The following PFKL variants were observed in gnomAD, a reference collection of about 807,000 sequenced individuals.
PFKL encodes ATP-dependent 6-phosphofructokinase, liver type.
PFKL carries 74 observed loss-of-function variants against 92.1 expected under a neutral mutation model. The ratio of observed to expected loss-of-function variants is 0.80; its 90% CI spans 0.67 to 0.97. PFKL has a LOEUF of 0.97. Ranked by LOEUF, PFKL falls within the 50% of genes least tolerant of loss-of-function variation. PFKL has a pLI of 0.00. For synonymous variants in PFKL, 494 were observed against 456.4 expected, an observed-to-expected ratio of 1.08 and a Z score of -1.05; for missense variants, 1,028 against 1,116.6, an observed-to-expected ratio of 0.92 and a Z score of 1.13.
At chr21:44,310,310 C>T (rs564815400) in intron 2 of PFKL, among the ~76,000 whole-genome samples, 3 of 152,356 alleles carry the variant, frequency 2.0e-5, no homozygotes, top group African/African-American at 7.2e-5. Flanking sequence ...GGCAGATCCA[C>T]GGTACTGGAT....
intron 13 of PFKL, 45 bp downstream of exon 13, chr21:44,321,920 G>A (rs971704355): frequency 2.6e-6 from 4 of 1,513,808 alleles, no homozygotes; most frequent in African/African-American, 2.8e-5. Flanking sequence ...GGCCTTCTGT[G>A]TGCACACTTG....
Position 44,326,632 on chromosome 21 carries a change from G to C in PFKL, c.2196-83G>C, listed in dbSNP as rs1005054963. The C allele has an allele frequency of 7.8e-5, 114 of 1,456,240 alleles. No individual in the cohort carries two copies. In the African/African-American group the frequency reaches 1.4e-3, roughly 18 times the overall value. 90.2% of individuals were successfully genotyped at this position (1,456,240 alleles called of 1,614,324 possible). Reference sequence around the variant, plus strand: ...GGCATGCACAGGCTGCAGGGTCGGGGGGGGTGGGGGGGCTGGGGACGTGGC... The same window carrying C: ...GGCATGCACAGGCTGCAGGGTCGGGCGGGGTGGGGGGGCTGGGGACGTGGC... On this transcript the variant is annotated intron_variant, in intron 21 of 21. Coordinates refer to ENST00000349048, the MANE Select transcript of PFKL (RefSeq NM_002626.6).
intron 2 of PFKL, among the ~76,000 whole-genome samples, chr21:44,307,003 G>A (rs969679693): frequency 1.1e-4 from 16 of 152,200 alleles, no homozygotes; most frequent in African/African-American, 2.9e-4. Context: ...GGGCCTGGGG[G>A]CAGGGAAGGA....
chr21:44,321,394 C>G (rs2047349942), intron 12 of PFKL: 1 of 176,966 alleles, frequency 5.7e-6, no homozygotes, highest in African/African-American at 2.4e-5. Flanking sequence ...ACCCCCCACC[C>G]TCCCGCCCGC....
intron 1 of PFKL, among the ~76,000 whole-genome samples, chr21:44,300,723 ATGGGCTGCCCGGGGCAT>A (rs1239948507): frequency 7.6e-6 from 1 of 130,898 alleles, no homozygotes; most frequent in East Asian, 2.1e-4. Flanking sequence ...CGGTGGGGAG[ATGGGCTGCCCGGGGCAT>A]TGAGCAAAGC....
chr21:44,312,105 G>T lies in PFKL; in HGVS notation c.238G>T (p.Gly80Cys), dbSNP rs2047062489. ...WLSVSNIIQLGGTIIGSARCK... is the reference protein window; with the variant it reads ...WLSVSNIIQLCGTIIGSARCK... ...GAAGTTTCTGGTCTCCTCTGTGCAG[G>T]GCGGCACTATCATTGGCAGCGCTCG... is the stretch of plus-strand genomic sequence containing the variant. The change falls in exon 4 of 22, where the codon GGC becomes TGC. Residue 80 changes from glycine to cysteine, a missense_variant and splice_region_variant. Physicochemically the swap from Gly to Cys is radical, Grantham distance 159. Transcript: ENST00000349048. 6.5e-7 allele frequency: 1 copy of T among 1,542,076 alleles called. No homozygotes were observed. Among genetic ancestry groups the T allele is most frequent in the Non-Finnish European group, 8.7e-7 (1 of 1,144,152 alleles).
In PFKL at chr21:44,325,220, G is replaced by A. The variant is rs1467879425; in HGVS notation, c.1945G>A (p.Gly649Ser). The A allele has an allele frequency of 6.2e-7, 1 of 1,613,242 alleles. No individual in the cohort carries two copies. Among genetic ancestry groups the A allele is most frequent in the South Asian group, 1.1e-5 (1 of 91,076 alleles). The change falls in exon 19 of 22, where the codon GGC becomes AGC. Residue 649 changes from glycine (G) to serine (S), a missense_variant. Transcript: ENST00000349048. Reference protein sequence around the residue: ...LYNLYSSEGKGVFDCRTNVLG... With the variant: ...LYNLYSSEGKSVFDCRTNVLG... ...CAACCTGTACTCATCAGAGGGCAAG[G>A]GCGTCTTCGACTGCAGGACCAATGT...
At chr21:44,314,387 C>T (rs1000882853) in intron 7 of PFKL, 7 of 240,860 alleles carry the variant, frequency 2.9e-5, no homozygotes, top group Non-Finnish European at 4.9e-5. Context: ...AAGGTCCAGA[C>T]GGCAGGGCTG....
At chr21:44,324,701 A>C (rs745796573) in intron 17 of PFKL, 46 bp downstream of exon 17, 40 of 1,562,296 alleles carry the variant, frequency 2.6e-5, no homozygotes, top group Admixed American at 2.5e-4. Flanking sequence ...CCGGCATGCC[A>C]GCCTGGGCCC....
chr21:44,325,363 C>T, intron 19 of PFKL, 99 bp downstream of exon 19: 1 of 781,268 alleles, frequency 1.3e-6, no homozygotes, highest in Admixed American at 2.0e-5. Context: ...CACCCACGGG[C>T]ACTCCCGGCA....
rs1252619796 is a variant in PFKL at position 44,322,889 on chromosome 21, T to C, written c.1410-73T>C. On this transcript the variant is annotated intron_variant, in intron 14 of 21. Coordinates refer to ENST00000349048, the MANE Select transcript of PFKL (RefSeq NM_002626.6). ...CGGGGAACGGCCAAGGCAATGCCTT[T>C]CTGTGATCAGATGCAATCTGGACAC... 6.3e-6 allele frequency: 7 copies of C among 1,114,142 alleles called. No individual in the cohort carries two copies. In the East Asian group the frequency reaches 1.5e-4, roughly 25 times the overall value. The allele number at this position is 1,114,142 out of a possible 1,614,324, so 69.0% of individuals were successfully genotyped here. A position where few individuals can be genotyped will look rare whatever the true frequency, so the allele number is the denominator to read the frequency against.
intron 2 of PFKL, among the ~76,000 whole-genome samples, chr21:44,307,591 A>T (rs1257585948): frequency 6.6e-6 from 1 of 151,908 alleles, no homozygotes; most frequent in Non-Finnish European, 1.5e-5. Flanking sequence ...CTGACCACTC[A>T]CCGCCCTGGG....
Position 44,318,459 on chromosome 21 carries a change from C to A in PFKL, c.937-11C>A, listed in dbSNP as rs1325137719. 1 of 1,518,702 alleles carries A rather than the reference C, an allele frequency of 6.6e-7. No individual in the cohort carries two copies. Among genetic ancestry groups the A allele is most frequent in the Admixed American group, 1.9e-5 (1 of 52,806 alleles). The allele number at this position is 1,518,702 out of a possible 1,614,324, so 94.1% of individuals were successfully genotyped here. A position where few individuals can be genotyped will look rare whatever the true frequency, so the allele number is the denominator to read the frequency against. On this transcript the variant is annotated splice_polypyrimidine_tract_variant and intron_variant, in intron 9 of 21. Coordinates refer to ENST00000349048, the MANE Select transcript of PFKL (RefSeq NM_002626.6). The stretch of plus-strand genomic sequence containing the variant: ...CCAAGTGGGTGTGCCAGCCTGAACC[C>A]TTCCCCACAGAGCAGCAAGATGGGC...
At chr21:44,317,598 G>C (rs1260106346) in intron 9 of PFKL, among the ~76,000 whole-genome samples, 1 of 152,208 alleles carries the variant, frequency 6.6e-6, no homozygotes. Context: ...CCTGATGCCG[G>C]GTGTGAAACA....
intron 7 of PFKL, 91 bp downstream of exon 7, chr21:44,314,112 T>A: frequency 1.2e-6 from 1 of 844,294 alleles, no homozygotes. Flanking sequence ...GACCAACTCA[T>A]CTATCACTCA....
intron 5 of PFKL, among the ~76,000 whole-genome samples, chr21:44,313,387 C>T (rs771641747): frequency 1.1e-4 from 16 of 152,144 alleles, no homozygotes; most frequent in Non-Finnish European, 1.8e-4. Flanking sequence ...GGTGTGACGC[C>T]CCCAAAGGAA....
intron 1 of PFKL, among the ~76,000 whole-genome samples, chr21:44,301,909 A>AG (rs1028983098): frequency 5.3e-5 from 8 of 151,976 alleles, no homozygotes; most frequent in Non-Finnish European, 1.0e-4. Flanking sequence ...TAAACAGAGA[A>AG]GGGGGGCTCG....
intron 2 of PFKL, among the ~76,000 whole-genome samples, chr21:44,309,134 C>T (rs549131842): frequency 6.6e-5 from 10 of 152,264 alleles, no homozygotes; most frequent in East Asian, 5.8e-4. Flanking sequence ...CCTGCGGCTG[C>T]GTCAGTTCAC....
chr21:44,300,211 C>A, intron 1 of PFKL, 21 bp downstream of exon 1: 1 of 1,065,330 alleles, frequency 9.4e-7, no homozygotes, highest in Non-Finnish European at 1.1e-6. Context: ...GTCCCGGCCG[C>A]GTCGCGGCGC....
Sources: allele counts gnomAD v4.1 joint callset (sites outside exome capture counted in the v4.1 genomes callset), GRCh38; gene constraint gnomAD v4.1.1; transcripts MANE v1.5; gene names NCBI Gene and HGNC (gene_info 2026-07-23, HGNC 2026-07-21).